TEX14: variants seen among roughly 807,000 people sequenced by gnomAD.
TEX14 encodes the protein inactive serine/threonine-protein kinase TEX14.
A neutral mutation model predicts 178.6 loss-of-function variants in TEX14; 168 were observed. That is an observed-to-expected ratio of 0.94 (90% confidence interval 0.83 to 1.07). TEX14 has a LOEUF of 1.07. Ranked by LOEUF, TEX14 falls within the 50% of genes least tolerant of loss-of-function variation. The pLI, the probability that TEX14 is intolerant of heterozygous loss-of-function variation, is 0.00. For synonymous variants in TEX14, 626 were observed against 634.1 expected (o/e 0.99, Z 0.19); for missense variants, 1,730 against 1,753.6 (o/e 0.99, Z 0.24).
rs75385200 is a variant in TEX14 at position 58,621,715 on chromosome 17, C to T, written c.489G>A (p.Leu163=). The change falls in exon 5 of 32, where the codon CTG becomes CTA. Residue 163 remains leucine (L), a synonymous_variant. Transcript: ENST00000349033. ...GCCGCTGCGGGGAGTCTATCTTCTT[C>T]AGGAGGTCGTAAGAGAAGCCCTGGA... The part of the protein sequence containing the change: ...AIIQGFSYDL[L]KKIDSPQRLV... 9 of 1,614,070 alleles carry T rather than the reference C, an allele frequency of 5.6e-6. No homozygotes were observed. The highest frequency in any genetic ancestry group is 1.3e-5 in the African/African-American group (1 of 74,936).
intron 1 of TEX14, among the ~76,000 whole-genome samples, chr17:58,665,445 A>T (rs2047187024): frequency 6.6e-6 from 1 of 151,994 alleles, no homozygotes; most frequent in Admixed American, 6.6e-5. Context: ...TACTAAAAAT[A>T]CAGTTAGCTT....
At chr17:58,666,482 A>AAAAAAAAAAAG (rs2047209869) in intron 1 of TEX14, 1 of 149,994 alleles carries the variant, frequency 6.7e-6, no homozygotes, top group Non-Finnish European at 1.5e-5. Context: ...AAAAAAAAAA[A>AAAAAAAAAAAG]AAAAAGCAAA....
chr17:58,663,279 G>A (rs574557492), intron 1 of TEX14, among the ~76,000 whole-genome samples: 15 of 151,328 alleles, frequency 9.9e-5, no homozygotes, highest in African/African-American at 2.9e-4. Context: ...AAAATTAGCC[G>A]GTTGTGGCGG....
At chr17:58,674,275 C>CAA (rs544296706) in intron 1 of TEX14, among the ~76,000 whole-genome samples, 13 of 134,532 alleles carry the variant, frequency 9.7e-5, no homozygotes, top group African/African-American at 2.0e-4. Context: ...GACTCTGTCT[C>CAA]AAAAAAAAAA....
At chr17:58,562,267 C>T (rs1411465449) in intron 28 of TEX14, among the ~76,000 whole-genome samples, 1 of 152,168 alleles carries the variant, frequency 6.6e-6, no homozygotes, top group South Asian at 2.1e-4. Context: ...TGCTTTCCTA[C>T]ATGTTTTTCC....
intron 1 of TEX14, among the ~76,000 whole-genome samples, chr17:58,662,409 CAT>C (rs1303309984): frequency 8.4e-6 from 1 of 119,376 alleles, no homozygotes; most frequent in East Asian, 2.2e-4. Flanking sequence ...ATATAGCACA[CAT>C]ATCTCACACA....
In TEX14 at chr17:58,557,866, GAGGAAGGAAAAAACA is replaced by G. The variant is rs1567985825; in HGVS notation, c.4268-31_4268-17del. On this transcript the variant is annotated splice_polypyrimidine_tract_variant and intron_variant, in intron 30 of 31. Transcript: ENST00000349033. ...TTTAGTTCATCTTGATGAAATATAAGAGGAAGGAAAAAACAACATGATTAATTTCTAGGTCAAAGG... is the reference window on the plus strand; with the variant it reads ...TTTAGTTCATCTTGATGAAATATAAGACATGATTAATTTCTAGGTCAAAGG... 1.2e-6 allele frequency: 2 copies of G among 1,606,154 alleles called. No individual in the cohort carries two copies. The highest frequency in any genetic ancestry group is 1.7e-6 in the Non-Finnish European group (2 of 1,174,688).
chr17:58,631,835 T>G (rs569274572), intron 2 of TEX14: 6 of 152,344 alleles, frequency 3.9e-5, no homozygotes, highest in Admixed American at 2.6e-4. Context: ...AAATATAGTC[T>G]TAATGTCCAT....
chr17:58,623,081 C>T (rs888310455), intron 3 of TEX14, 69 bp from the exon 4 acceptor site: 43 of 1,426,292 alleles, frequency 3.0e-5, no homozygotes, highest in Non-Finnish European at 3.8e-5. Context: ...CGGGGCTCAG[C>T]GTGCAACACA....
At position 58,605,048 on chromosome 17, in the gene TEX14, G is replaced by T; in HGVS notation, c.1266C>A (p.Ile422=). ...ATTTCACTGTGGCTGCCTTCTGTAA[G>T]ATCACTTCTGGTGCGGCCCAGTTGT... ...QLYNWAAPEV[I]LQKAATVKSD... The change falls in exon 11 of 32, where the codon ATC becomes ATA. Residue 422 remains isoleucine (I), a synonymous_variant. Coordinates refer to ENST00000349033, the MANE Select transcript of TEX14 (RefSeq NM_031272.5). 6.2e-7 allele frequency: 1 copy of T among 1,614,194 alleles called. No homozygotes were observed.
At position 58,615,335 on chromosome 17, in the gene TEX14, TC is replaced by T; in HGVS notation, c.777del (p.Trp259Ter). On this transcript the variant is annotated frameshift_variant, in exon 8 of 32. Transcript: ENST00000349033. LOFTEE classifies it high-confidence loss of function. ...GPYMVMTNLVWNGSRVTVKEL... is the reference protein window; with the variant it reads ...GPYMVMTNLVXNGSRVTVKEL... The stretch of plus-strand genomic sequence containing the variant: ...TCTTTCACTGTGACCCTGCTCCCAT[TC>T]CACACTAGGCTACAAGGACAGGAAA... 6.2e-7 allele frequency: 1 copy of T among 1,602,682 alleles called. No individual in the cohort carries two copies.
chr17:58,608,584 A>T (rs983413072), intron 10 of TEX14, among the ~76,000 whole-genome samples: 5 of 152,242 alleles, frequency 3.3e-5, no homozygotes, highest in African/African-American at 1.2e-4. Flanking sequence ...TCAAAAAAAT[A>T]AAAAATATTT....
chr17:58,559,802 C>CCG (rs2044236583), intron 29 of TEX14, among the ~76,000 whole-genome samples: 1 of 152,124 alleles, frequency 6.6e-6, no homozygotes, highest in African/African-American at 2.4e-5. Flanking sequence ...AATGAGGAAA[C>CCG]CGAGGCACAG....
intron 18 of TEX14, among the ~76,000 whole-genome samples, 191 bp downstream of exon 18, chr17:58,585,610 G>GTTTT (rs879707841): frequency 1.9e-4 from 16 of 83,062 alleles, no homozygotes; most frequent in Non-Finnish European, 2.6e-4. Context: ...CCCAGCTAAT[G>GTTTT]TTTTTTTTTT....
chr17:58,592,030 T>C (rs1274085096), intron 15 of TEX14, among the ~76,000 whole-genome samples: 2 of 150,210 alleles, frequency 1.3e-5, no homozygotes, highest in African/African-American at 4.9e-5. Flanking sequence ...CTGCACTCTA[T>C]CTAGCCTGGG....
At chr17:58,561,434 A>T in intron 29 of TEX14, 86 bp downstream of exon 29, 1 of 889,624 alleles carries the variant, frequency 1.1e-6, no homozygotes, top group South Asian at 1.4e-5. Context: ...TAATGCCATC[A>T]TCAGGCATTC....
chr17:58,652,127 T>C (rs1481207666), intron 1 of TEX14, 125 bp from the exon 2 acceptor site: 1 of 670,362 alleles, frequency 1.5e-6, no homozygotes, highest in African/African-American at 1.8e-5. Flanking sequence ...AGGGGAATAA[T>C]TATTGAAACT....
intron 7 of TEX14, 76 bp downstream of exon 7, chr17:58,616,099 C>A (rs2045865670): frequency 6.7e-7 from 1 of 1,487,020 alleles, no homozygotes. Context: ...AAACTCCCCA[C>A]ACATAAGGAA....
At position 58,605,135 on chromosome 17, in the gene TEX14, G is replaced by T. The variant is rs2045576207; in HGVS notation, c.1185-6C>A. 6.2e-7 allele frequency: 1 copy of T among 1,613,346 alleles called. No homozygotes were observed. The highest frequency in any genetic ancestry group is 1.1e-5 in the South Asian group (1 of 91,042). ...TCTGTACACCTCTGTCCTCGCTACG[G>T]AAGGAAACTCACAAGTCAGCGCTCA... On this transcript the variant is annotated splice_polypyrimidine_tract_variant and splice_region_variant and intron_variant, in intron 10 of 31. Coordinates refer to ENST00000349033, the MANE Select transcript of TEX14 (RefSeq NM_031272.5).
Sources: allele counts gnomAD v4.1 joint callset (sites outside exome capture counted in the v4.1 genomes callset), GRCh38; gene constraint gnomAD v4.1.1; transcripts MANE v1.5; gene names NCBI Gene and HGNC (gene_info 2026-07-23, HGNC 2026-07-21).